ITPR2: variants seen among roughly 807,000 people sequenced by gnomAD.
ITPR2 encodes the protein inositol 1,4,5-trisphosphate-gated calcium channel ITPR2.
ITPR2 carries 207 observed loss-of-function variants against 317.1 expected under a neutral mutation model. The ratio of observed to expected loss-of-function variants is 0.65; its 90% CI spans 0.58 to 0.73. The LOEUF is 0.73. Ranked by LOEUF, ITPR2 falls within the 30% of genes least tolerant of loss-of-function variation. The probability of loss-of-function intolerance (pLI) is 0.00; values close to 1 mark genes in which losing one functional copy is unlikely to be tolerated. For synonymous variants in ITPR2, 1,156 were observed against 1,149.1 expected (o/e 1.01, Z -0.12); for missense variants, 2,613 against 3,284.0 (o/e 0.80, Z 4.99).
At chr12:26,448,673 G>A (rs1941668816) in intron 45 of ITPR2, among the ~76,000 whole-genome samples, 1 of 152,124 alleles carries the variant, frequency 6.6e-6, no homozygotes, top group Non-Finnish European at 1.5e-5. Flanking sequence ...TGGATAGTCA[G>A]TCTTAAGAAA....
At position 26,686,470 on chromosome 12, in the gene ITPR2, A is replaced by AT. The variant is rs748684041; in HGVS notation, c.1148+10dup. 5.3e-4 allele frequency: 822 copies of AT among 1,540,160 alleles called. 2 individuals are homozygous for AT. The highest frequency in any genetic ancestry group is 6.2e-4 in the Non-Finnish European group (710 of 1,142,310). On this transcript the variant is annotated intron_variant, in intron 11 of 56. Transcript: ENST00000381340. ...TTCAAAGAAACATCTTTTAACCATA[A>AT]TTTTTTTTACCTTGGAACCAGGCAG...
Position 26,418,014 on chromosome 12 carries a change from C to T in ITPR2, c.7110+1035G>A, listed in dbSNP as rs147888088. ...AAAGAATTCATTTAGATTGTTAGAACGGAAAAAATATCTGTTGCTGAATAA... is the reference window on the plus strand; with the variant it reads ...AAAGAATTCATTTAGATTGTTAGAATGGAAAAAATATCTGTTGCTGAATAA... On this transcript the variant is annotated intron_variant, in intron 50 of 56. Coordinates refer to ENST00000381340, the MANE Select transcript of ITPR2 (RefSeq NM_002223.4). Among the ~76,000 whole-genome samples the T allele has an allele frequency of 9.8e-4, 149 of 152,162 alleles. 1 individual carries two copies. The highest frequency in any genetic ancestry group is 3.0e-3 in the African/African-American group (126 of 41,498).
At chr12:26,702,260 T>C (rs148649191) in intron 9 of ITPR2, among the ~76,000 whole-genome samples, 2 of 152,046 alleles carry the variant, frequency 1.3e-5, no homozygotes, top group East Asian at 1.9e-4. Flanking sequence ...GAAACCAACA[T>C]TGCAAGAGAA....
In ITPR2 at chr12:26,458,742, C is replaced by T. The variant is rs151101587; in HGVS notation, c.6343-15092G>A. Among the ~76,000 whole-genome samples the T allele has an allele frequency of 1.9e-3, 290 of 152,318 alleles. 1 individual carries two copies. Among genetic ancestry groups the T allele is most frequent in the African/African-American group, 6.3e-3 (264 of 41,584 alleles). On this transcript the variant is annotated intron_variant, in intron 45 of 56. Coordinates refer to ENST00000381340, the MANE Select transcript of ITPR2 (RefSeq NM_002223.4). Reference sequence around the variant, plus strand: ...ATGAGTTTGTTTATTCCTTTTGGAGCTCATTTGTGAGCCCACTTGCAGCAT... The same window carrying T: ...ATGAGTTTGTTTATTCCTTTTGGAGTTCATTTGTGAGCCCACTTGCAGCAT...
At chr12:26,491,482 C>CAAAAAAAAA (rs57612774) in intron 39 of ITPR2, among the ~76,000 whole-genome samples, 6 of 57,858 alleles carry the variant, frequency 1.0e-4, no homozygotes, top group African/African-American at 3.6e-4. Context: ...GACTCCATCT[C>CAAAAAAAAA]AAAAAAAAAA....
intron 45 of ITPR2, among the ~76,000 whole-genome samples, chr12:26,453,981 C>T (rs1565535469): frequency 1.3e-5 from 2 of 151,898 alleles, no homozygotes; most frequent in African/African-American, 2.4e-5. Context: ...ACAAGAGTTG[C>T]TTAATAAATA....
At chr12:26,455,344 TAAAAAAAAAA>T (rs10687003) in intron 45 of ITPR2, among the ~76,000 whole-genome samples, 1,176 of 66,388 alleles carry the variant, frequency 0.018, 17 homozygotes, top group African/African-American at 0.037. Context: ...CAACAGCTGC[TAAAAAAAAAA>T]AAAAAAAAAA....
chr12:26,678,450 C>G (rs1380025464), intron 13 of ITPR2, among the ~76,000 whole-genome samples: 1 of 151,904 alleles, frequency 6.6e-6, no homozygotes, highest in East Asian at 1.9e-4. Flanking sequence ...TCCAACAACA[C>G]AGGCTTTTTG....
chr12:26,690,233 A>C (rs1301123077), intron 10 of ITPR2, among the ~76,000 whole-genome samples: 1 of 152,232 alleles, frequency 6.6e-6, no homozygotes, highest in Non-Finnish European at 1.5e-5. Flanking sequence ...GGAAGATAAA[A>C]TGTTATCAGT....
chr12:26,459,828 G>C (rs948556681), intron 45 of ITPR2, among the ~76,000 whole-genome samples: 2 of 152,156 alleles, frequency 1.3e-5, no homozygotes, highest in African/African-American at 4.8e-5. Context: ...TCCCTTCTGA[G>C]AATCAAGGAC....
chr12:26,781,992 GTATATATATA>G (rs1161714052), intron 2 of ITPR2, among the ~76,000 whole-genome samples: 99 of 56,996 alleles, frequency 1.7e-3, no homozygotes, highest in Non-Finnish European at 2.5e-3. Flanking sequence ...AAACTCCCCT[GTATATATATA>G]TATATATATA....
rs866320241 is a variant in ITPR2, at chr12:26,456,692, A to C, written c.6343-13042T>G. 7.9e-5 allele frequency among the ~76,000 whole-genome samples: 12 copies of C among 152,202 alleles called. No individual in the cohort carries two copies. In the South Asian group the frequency reaches 2.5e-3, roughly 32 times the overall value. On this transcript the variant is annotated intron_variant, in intron 45 of 56. Coordinates refer to ENST00000381340, the MANE Select transcript of ITPR2 (RefSeq NM_002223.4). ...TCTAGTAACAATTTTTTTTCTTTTAAGACAGAGTCTCACTCTGTCACCCAG... is the reference window on the plus strand; with the variant it reads ...TCTAGTAACAATTTTTTTTCTTTTACGACAGAGTCTCACTCTGTCACCCAG...
At chr12:26,680,745 A>C (rs116627663) in intron 13 of ITPR2, among the ~76,000 whole-genome samples, 22 of 152,328 alleles carry the variant, frequency 1.4e-4, no homozygotes, top group African/African-American at 5.0e-4. Flanking sequence ...AAATAACATA[A>C]TTTTCATCCT....
intron 37 of ITPR2, among the ~76,000 whole-genome samples, chr12:26,526,412 G>A (rs1943809959): frequency 6.6e-6 from 1 of 152,124 alleles, no homozygotes; most frequent in Admixed American, 6.5e-5. Context: ...ACAGAAAGAG[G>A]TGATTCTGTT....
Position 26,335,741 on chromosome 12 carries a change from G to A in ITPR2, c.*3656C>T, listed in dbSNP as rs1159713546. 1.3e-5 allele frequency: 2 copies of A among 152,196 alleles called. No individual in the cohort carries two copies. Among genetic ancestry groups the A allele is most frequent in the Non-Finnish European group, 2.9e-5 (2 of 68,044 alleles). 9.4% of individuals were successfully genotyped at this position (152,196 alleles called of 1,614,324 possible). A position where few individuals can be genotyped will look rare whatever the true frequency, so the allele number is the denominator to read the frequency against. ...ACCGGAATTAGCTGTCAAATTTTGAGAATACAGAGCTTCCCACGGCCTCCC... is the reference window on the plus strand; with the variant it reads ...ACCGGAATTAGCTGTCAAATTTTGAAAATACAGAGCTTCCCACGGCCTCCC... On this transcript the variant is annotated 3_prime_UTR_variant, in exon 57 of 57. Transcript: ENST00000381340.
intron 34 of ITPR2, among the ~76,000 whole-genome samples, chr12:26,566,313 G>C (rs1944984357): frequency 7.2e-6 from 1 of 138,502 alleles, no homozygotes; most frequent in South Asian, 2.6e-4. Context: ...AGAGGGAAAA[G>C]AAGAGTGAGA....
At chr12:26,555,905 G>A (rs1227889987) in intron 36 of ITPR2, among the ~76,000 whole-genome samples, 1 of 152,088 alleles carries the variant, frequency 6.6e-6, no homozygotes, top group Non-Finnish European at 1.5e-5. Flanking sequence ...GAAAATAAGT[G>A]ACTTTAAACA....
chr12:26,488,155 C>G (rs1002956844), intron 39 of ITPR2, among the ~76,000 whole-genome samples: 2 of 151,688 alleles, frequency 1.3e-5, no homozygotes, highest in Admixed American at 6.6e-5. Context: ...CTTATTACTA[C>G]CAAGATTATG....
intron 2 of ITPR2, among the ~76,000 whole-genome samples, chr12:26,783,364 T>A (rs1438986271): frequency 6.6e-6 from 1 of 152,142 alleles, no homozygotes; most frequent in Non-Finnish European, 1.5e-5. Context: ...AAATACCTAA[T>A]CAACCAAGAG....
Sources: gnomAD v4.1 joint callset for allele counts (sites outside exome capture counted in the v4.1 genomes callset) on GRCh38, gnomAD v4.1.1 for gene constraint, MANE v1.5 for transcripts, NCBI Gene and HGNC (gene_info 2026-07-23, HGNC 2026-07-21) for gene names.